The following ZNF567 variants were observed in gnomAD, a reference collection of about 807,000 sequenced individuals.
ZNF567 encodes the protein zinc finger protein 567.
In ZNF567, 36 loss-of-function variants were observed where a neutral mutation model predicts 53.9. The ratio of observed to expected loss-of-function variants is 0.67; its 90% confidence interval spans 0.51 to 0.88. The LOEUF is 0.88. ZNF567 is among the 40% of genes least tolerant of loss of function. The pLI, the probability that ZNF567 is intolerant of heterozygous loss-of-function variation, is 0.00. For synonymous variants in ZNF567, 224 were observed against 260.4 expected (o/e 0.86, Z 1.35); for missense variants, 619 against 764.7 (o/e 0.81, Z 2.25).
chr19:36,711,721 G>A (rs1275087518), intron 3 of ZNF567: 2 of 152,388 alleles, frequency 1.3e-5, no homozygotes, highest in African/African-American at 2.4e-5. Flanking sequence ...TGTTGTACCT[G>A]TGACACCTTC....
Position 36,720,538 on chromosome 19 carries a change from T to C in ZNF567, c.1814T>C (p.Ile605Thr), listed in dbSNP as rs867215729. 5.6e-6 allele frequency: 9 copies of C among 1,613,736 alleles called. No homozygotes were observed. The highest frequency in any genetic ancestry group is 1.3e-5 in the African/African-American group (1 of 74,840). The stretch of plus-strand genomic sequence containing the variant: ...TGCTTCCGCCAGAAGACAAATCTTA[T>C]TGTACATCAGAGAACTCACACAGGT... ...GKCFRQKTNL[I>T]VHQRTHTGEK... Residue 605 changes from isoleucine (I) to threonine (T), a missense_variant, in exon 6 of 6, where the codon ATT (isoleucine) becomes ACT (threonine). Transcript: ENST00000682579.
chr19:36,717,668 A>T lies in ZNF567; in HGVS notation c.224-1280A>T, dbSNP rs887506990. On this transcript the variant is annotated intron_variant, in intron 5 of 5. Coordinates refer to ENST00000682579, the MANE Select transcript of ZNF567 (RefSeq NM_001322917.1). ...GAAATAGATTTTTGAGCATAGCTTT[A>T]ACATTGCTTCATCAGATATAGATGA... Among the ~76,000 whole-genome samples, 3 of 152,238 alleles carry T rather than the reference A, an allele frequency of 2.0e-5. No individual in the cohort carries two copies. The South Asian group carries it at 6.2e-4, about 31-fold the overall frequency.
chr19:36,721,737 T>C (rs922187247), downstream of ZNF567, among the ~76,000 whole-genome samples: 1 of 102,290 alleles, frequency 9.8e-6, no homozygotes, highest in African/African-American at 4.9e-5. Flanking sequence ...AGAGTCTTTT[T>C]TTTTTTCTTT....
At chr19:36,703,533 G>A (rs2039326479) in intron 3 of ZNF567, 1 of 152,252 alleles carries the variant, frequency 6.6e-6, no homozygotes, top group East Asian at 1.9e-4. Context: ...GCCCCCAGAG[G>A]TGGAGCCTAC....
chr19:36,674,889 G>A, the ZNF567 span, among the ~76,000 whole-genome samples: 1 of 152,034 alleles, frequency 6.6e-6, no homozygotes, highest in Non-Finnish European at 1.5e-5. Context: ...AAGTAACTGG[G>A]ATTACAGGCA....
chr19:36,668,835 T>C, the ZNF567 span: 1 of 152,164 alleles, frequency 6.6e-6, no homozygotes, highest in Non-Finnish European at 1.5e-5. Context: ...GTGAGATGGT[T>C]TGCACTTGAA....
At chr19:36,701,015 A>G (rs1470481840) in intron 3 of ZNF567, among the ~76,000 whole-genome samples, 1 of 151,654 alleles carries the variant, frequency 6.6e-6, no homozygotes, top group East Asian at 1.9e-4. Flanking sequence ...TTGTGATGTT[A>G]GGGTGTCAAT....
At chr19:36,673,703 C>T in the ZNF567 span, among the ~76,000 whole-genome samples, 1 of 151,990 alleles carries the variant, frequency 6.6e-6, no homozygotes, top group African/African-American at 2.4e-5. Flanking sequence ...CACAGACACA[C>T]ACACACACAC....
At position 36,719,165 on chromosome 19, in the gene ZNF567, A is replaced by G; in HGVS notation, c.441A>G (p.Leu147=). The change falls in exon 6 of 6, where the codon TTA becomes TTG. Residue 147 remains leucine (L), a synonymous_variant. Coordinates refer to ENST00000682579, the MANE Select transcript of ZNF567 (RefSeq NM_001322917.1). ...HGRILKNVSE[L]IISNLNPARK... ...GGATTTTGAAAAATGTTTCAGAATT[A>G]ATCATCAGTAATCTAAATCCTGCAA... The G allele has an allele frequency of 6.2e-7, 1 of 1,612,254 alleles. No individual in the cohort carries two copies. Among genetic ancestry groups the G allele is most frequent in the East Asian group, 2.2e-5 (1 of 44,844 alleles).
downstream of ZNF567, among the ~76,000 whole-genome samples, chr19:36,725,734 G>C (rs1322304278): frequency 1.3e-5 from 2 of 151,942 alleles, no homozygotes; most frequent in East Asian, 1.9e-4. Context: ...CTGCAGCCTC[G>C]ACCTCCTGGA....
the ZNF567 span, among the ~76,000 whole-genome samples, chr19:36,678,461 A>T: frequency 6.6e-6 from 1 of 152,314 alleles, no homozygotes; most frequent in East Asian, 1.9e-4. Context: ...AGACAACCCA[A>T]AGATTAGGAG....
chr19:36,679,617 A>G, the ZNF567 span, among the ~76,000 whole-genome samples: 1 of 152,206 alleles, frequency 6.6e-6, no homozygotes, highest in Non-Finnish European at 1.5e-5. Flanking sequence ...TTTTAAATGG[A>G]GGATATATAC....
At chr19:36,701,134 G>A (rs577397017) in intron 3 of ZNF567, among the ~76,000 whole-genome samples, 51 of 152,146 alleles carry the variant, frequency 3.4e-4, no homozygotes, top group Admixed American at 1.8e-3. Flanking sequence ...TTTTGTTCTC[G>A]TTGGTTTCAA....
chr19:36,704,667 G>T (rs2145742327), intron 3 of ZNF567, among the ~76,000 whole-genome samples: 1 of 152,126 alleles, frequency 6.6e-6, no homozygotes, highest in Non-Finnish European at 1.5e-5. Context: ...GTTCATAATG[G>T]ATCTAATGTA....
intron 3 of ZNF567, among the ~76,000 whole-genome samples, chr19:36,704,339 T>G (rs1048472146): frequency 1.3e-5 from 2 of 152,158 alleles, no homozygotes; most frequent in Admixed American, 1.3e-4. Flanking sequence ...GAGAATCGCT[T>G]GAACCCAGGA....
chr19:36,695,909 A>C (rs1221122486), intron 3 of ZNF567, among the ~76,000 whole-genome samples: 2 of 152,100 alleles, frequency 1.3e-5, no homozygotes, highest in African/African-American at 4.8e-5. Context: ...ATTTATATAG[A>C]ATTAGTAAGT....
chr19:36,712,799 C>G lies in ZNF567; in HGVS notation c.155C>G (p.Pro52Arg), dbSNP rs773664525. 1.2e-6 allele frequency: 2 copies of G among 1,613,942 alleles called. No homozygotes were observed. Among genetic ancestry groups the G allele is most frequent in the East Asian group, 2.2e-5 (1 of 44,874 alleles). The change falls in exon 5 of 6, where the codon CCT (proline) becomes CGT (arginine). Residue 52 changes from proline to arginine, a missense_variant. Pro to Arg is a moderately radical substitution (Grantham distance 103). Coordinates refer to ENST00000682579, the MANE Select transcript of ZNF567 (RefSeq NM_001322917.1). ...TTTTCAGGGTGTCACATGACCAAAC[C>G]TGATGTGATCCTCAAGTTGGAACGA... ...LISVGCHMTK[P>R]DVILKLERGE...
chr19:36,701,152 C>T (rs1239654987), intron 3 of ZNF567, among the ~76,000 whole-genome samples: 1 of 152,142 alleles, frequency 6.6e-6, no homozygotes, highest in Non-Finnish European at 1.5e-5. Context: ...CAAAGAACAT[C>T]TTGATTTCTG....
chr19:36,722,174 G>C (rs974774855), downstream of ZNF567, among the ~76,000 whole-genome samples: 1 of 152,164 alleles, frequency 6.6e-6, no homozygotes, highest in Non-Finnish European at 1.5e-5. Context: ...GTATCCTTTT[G>C]GCGAGGAGAG....
Sources: gnomAD v4.1 joint callset for allele counts (sites outside exome capture counted in the v4.1 genomes callset) on GRCh38, gnomAD v4.1.1 for gene constraint, MANE v1.5 for transcripts, NCBI Gene and HGNC (gene_info 2026-07-23, HGNC 2026-07-21) for gene names.